The following RIMS2 variants were observed in gnomAD, a reference collection of about 807,000 sequenced individuals.
RIMS2 encodes regulating synaptic membrane exocytosis protein 2.
In RIMS2, 59 loss-of-function variants were observed where a neutral mutation model predicts 174.4. That is an observed-to-expected ratio of 0.34 (90% CI 0.27 to 0.42). The LOEUF (loss-of-function observed/expected upper bound fraction) is 0.42, where lower values mean the gene tolerates loss of function less well. Among genes scored for constraint, RIMS2 ranks in the 10% least tolerant of loss-of-function variants. RIMS2 has a pLI of 1.00. For missense variants in RIMS2, 1,620 were observed against 1,666.3 expected (o/e 0.97, Z 0.48); for synonymous variants, 606 against 572.5 (o/e 1.06, Z -0.84).
chr8:103,560,291 T>C (rs1309834030), intron 1 of RIMS2, among the ~76,000 whole-genome samples: 2 of 152,060 alleles, frequency 1.3e-5, no homozygotes, highest in Non-Finnish European at 2.9e-5. Context: ...GGTAGGAGAA[T>C]CACTGAACCT....
At chr8:103,610,809 ATGTTT>A (rs2095342160) in intron 1 of RIMS2, among the ~76,000 whole-genome samples, 2 of 152,106 alleles carry the variant, frequency 1.3e-5, no homozygotes, top group South Asian at 4.1e-4. Context: ...TGTGTCTGCC[ATGTTT>A]TGGTATCAGG....
intron 2 of RIMS2, among the ~76,000 whole-genome samples, chr8:103,740,424 T>C (rs545366987): frequency 6.6e-6 from 1 of 152,320 alleles, no homozygotes; most frequent in South Asian, 2.1e-4. Context: ...ATAGGGCTTC[T>C]TGTAGAGGAT....
chr8:104,024,943 A>G (rs963713321), intron 19 of RIMS2, among the ~76,000 whole-genome samples: 1 of 152,158 alleles, frequency 6.6e-6, no homozygotes, highest in African/African-American at 2.4e-5. Context: ...CCTTTCTGGA[A>G]CACTGAAATA....
rs569374670 is a variant in RIMS2, at chr8:104,190,717, A to AT, written c.3335-54191dup. On this transcript the variant is annotated intron_variant, in intron 19 of 23. Coordinates refer to ENST00000504942, the Ensembl canonical transcript of RIMS2. Reference sequence around the variant, plus strand: ...TTTCCCTATAGATATGAGAGCATGCATTTTTTTTGGCAGCCTATGAGCATA... The same window carrying AT: ...TTTCCCTATAGATATGAGAGCATGCATTTTTTTTTGGCAGCCTATGAGCATA... Among the ~76,000 whole-genome samples the AT allele has an allele frequency of 1.0e-3, 153 of 151,810 alleles. 1 individual carries two copies. Among genetic ancestry groups the AT allele is most frequent in the Non-Finnish European group, 1.4e-3 (98 of 67,864 alleles).
chr8:103,935,416 A>C (rs1462720606), intron 12 of RIMS2, among the ~76,000 whole-genome samples: 1 of 152,224 alleles, frequency 6.6e-6, no homozygotes, highest in Non-Finnish European at 1.5e-5. Flanking sequence ...GAAACATATA[A>C]TACCTCTTCA....
intron 1 of RIMS2, among the ~76,000 whole-genome samples, chr8:103,640,806 C>T (rs1304065694): frequency 6.6e-6 from 1 of 151,912 alleles, no homozygotes; most frequent in African/African-American, 2.4e-5. Flanking sequence ...TCCCTGGGTG[C>T]TTGAGAAGAA....
chr8:103,805,418 G>A (rs2098643793), intron 3 of RIMS2, among the ~76,000 whole-genome samples: 2 of 151,920 alleles, frequency 1.3e-5, no homozygotes, highest in South Asian at 4.1e-4. Flanking sequence ...AAATAGTACA[G>A]AGAGTCAAAA....
chr8:103,608,733 G>A (rs890135215), intron 1 of RIMS2, among the ~76,000 whole-genome samples: 28 of 152,250 alleles, frequency 1.8e-4, no homozygotes, highest in Middle Eastern at 3.4e-3. Flanking sequence ...CGCAGTATTC[G>A]GGTGGGAGTG....
intron 3 of RIMS2, among the ~76,000 whole-genome samples, chr8:103,803,526 A>G (rs1207472485): frequency 6.6e-6 from 1 of 152,238 alleles, no homozygotes; most frequent in Non-Finnish European, 1.5e-5. Flanking sequence ...TAAACCCACC[A>G]TATGACAACT....
chr8:103,747,927 A>G (rs992186653), intron 2 of RIMS2, among the ~76,000 whole-genome samples: 11 of 152,176 alleles, frequency 7.2e-5, no homozygotes, highest in Non-Finnish European at 1.5e-5. Context: ...AGTTTATCTT[A>G]GAATAGTAAA....
chr8:103,956,921 T>C (rs1334503928), intron 14 of RIMS2, among the ~76,000 whole-genome samples: 2 of 151,696 alleles, frequency 1.3e-5, no homozygotes, highest in African/African-American at 4.8e-5. Context: ...AACAAACAAA[T>C]GCATCAAAAA....
intron 1 of RIMS2, among the ~76,000 whole-genome samples, chr8:103,588,763 A>G (rs2094104132): frequency 6.6e-6 from 1 of 151,924 alleles, no homozygotes; most frequent in Non-Finnish European, 1.5e-5. Flanking sequence ...TCAAATCAAA[A>G]TGGATTAAAG....
At chr8:103,824,006 T>A (rs532514228) in intron 3 of RIMS2, among the ~76,000 whole-genome samples, 13 of 152,202 alleles carry the variant, frequency 8.5e-5, no homozygotes, top group African/African-American at 3.1e-4. Context: ...TAAAAGCTTA[T>A]AACACAATTA....
chr8:103,937,050 A>C (rs1472068735), intron 13 of RIMS2, among the ~76,000 whole-genome samples: 4 of 152,046 alleles, frequency 2.6e-5, no homozygotes, highest in African/African-American at 9.7e-5. Context: ...GTGAGCCGAG[A>C]TCGCGCCACT....
chr8:104,034,961 G>T (rs372302815), intron 19 of RIMS2, among the ~76,000 whole-genome samples: 93 of 152,262 alleles, frequency 6.1e-4, no homozygotes, highest in African/African-American at 2.1e-3. Flanking sequence ...ACACAAAAAA[G>T]TAGTGGGAAA....
exon 4 of RIMS2, chr8:103,886,054 A>G: frequency 6.2e-7 from 1 of 1,613,110 alleles, no homozygotes; most frequent in South Asian, 1.1e-5. Context: ...CTCTCAGTTC[A>G]GACCAGTCAG....
chr8:103,896,726 T>G lies in RIMS2; in HGVS notation c.1624+10503T>G, dbSNP rs190672190. On this transcript the variant is annotated intron_variant, in intron 4 of 23. Coordinates refer to ENST00000504942, the Ensembl canonical transcript of RIMS2. ...CTCATCTAGAGGGTCCAAAATGACT[T>G]ATTTTGCACATCTGGCACCTTAGCA... Among the ~76,000 whole-genome samples the G allele has an allele frequency of 2.1e-3, 319 of 151,652 alleles. 4 individuals carry two copies. Among genetic ancestry groups the G allele is most frequent in the Non-Finnish European group, 6.2e-4 (42 of 67,982 alleles).
intron 19 of RIMS2, among the ~76,000 whole-genome samples, chr8:104,194,480 C>T (rs2136546766): frequency 6.6e-6 from 1 of 152,132 alleles, no homozygotes; most frequent in South Asian, 2.1e-4. Context: ...ATAAAATACG[C>T]TTTAGATATA....
At chr8:103,679,544 A>G (rs551761076) in intron 1 of RIMS2, among the ~76,000 whole-genome samples, 2 of 152,152 alleles carry the variant, frequency 1.3e-5, no homozygotes, top group East Asian at 3.9e-4. Context: ...AACAACAACA[A>G]CAAAACTAAG....
Sources: allele counts gnomAD v4.1 joint callset (sites outside exome capture counted in the v4.1 genomes callset), GRCh38; gene constraint gnomAD v4.1.1; transcripts MANE v1.5; gene names NCBI Gene and HGNC (gene_info 2026-07-23, HGNC 2026-07-21).